Variants in ALCAM observed in about 807,000 individuals in gnomAD.
ALCAM encodes CD166 antigen.
ALCAM carries 30 observed loss-of-function variants against 70.9 expected under a neutral mutation model. That is an observed-to-expected ratio of 0.42 (90% confidence interval 0.32 to 0.57). The LOEUF is 0.57. Ranked by LOEUF, ALCAM falls within the 20% of genes least tolerant of loss-of-function variation. ALCAM has a pLI of 0.11. For synonymous variants in ALCAM, 249 were observed against 242.5 expected (o/e 1.03, Z -0.25); for missense variants, 591 against 695.1 (o/e 0.85, Z 1.68).
intron 1 of ALCAM, among the ~76,000 whole-genome samples, chr3:105,461,703 G>T (rs1031046796): frequency 2.0e-5 from 3 of 151,720 alleles, no homozygotes; most frequent in African/African-American, 7.2e-5. Context: ...AACAAAGAAA[G>T]AACTAGAACC....
At chr3:105,475,499 T>C (rs1292707501) in intron 1 of ALCAM, among the ~76,000 whole-genome samples, 1 of 152,026 alleles carries the variant, frequency 6.6e-6, no homozygotes, top group African/African-American at 2.4e-5. Flanking sequence ...CCCTTTAAAA[T>C]GGTCTTTACT....
intron 1 of ALCAM, among the ~76,000 whole-genome samples, chr3:105,396,260 G>A (rs1256616193): frequency 6.6e-6 from 1 of 152,046 alleles, no homozygotes; most frequent in Non-Finnish European, 1.5e-5. Flanking sequence ...GTACAGTGAA[G>A]ACAGAGAATG....
In ALCAM at chr3:105,540,127, T is replaced by C. The variant is rs77157868; in HGVS notation, c.858+25T>C. ...AGTAAGTGCTTAAGTATTACTTCAG[T>C]TGGATGACTATCATTTTTCCTGTTG... On this transcript the variant is annotated intron_variant, in intron 7 of 15. Transcript: ENST00000306107. The C allele has an allele frequency of 2.3e-3, 3,618 of 1,601,190 alleles. 86 individuals are homozygous for C. The African/African-American group carries it at 0.044, about 19-fold the overall frequency.
rs75181230 is a variant in ALCAM at position 105,525,819 on chromosome 3, G to A, written c.394+1311G>A. 7.2e-5 allele frequency among the ~76,000 whole-genome samples: 11 copies of A among 152,296 alleles called. No individual in the cohort carries two copies. In the East Asian group the frequency reaches 2.1e-3, roughly 29 times the overall value. On this transcript the variant is annotated intron_variant, in intron 3 of 15. Transcript: ENST00000306107. ...CAGTTGATTACCTTTCAGCTTAGAAGGCACTTTCCAGAAACCATCCACACT... is the reference window on the plus strand; with the variant it reads ...CAGTTGATTACCTTTCAGCTTAGAAAGCACTTTCCAGAAACCATCCACACT...
chr3:105,565,326 T>C (rs1940719570), intron 14 of ALCAM, among the ~76,000 whole-genome samples: 1 of 152,198 alleles, frequency 6.6e-6, no homozygotes, highest in Admixed American at 6.5e-5. Context: ...TTATTGCCTT[T>C]ACTGTTTTGA....
intron 1 of ALCAM, among the ~76,000 whole-genome samples, chr3:105,400,318 A>G (rs978450497): frequency 2.0e-5 from 3 of 152,214 alleles, no homozygotes; most frequent in Non-Finnish European, 2.9e-5. Context: ...CCTTAAAAAA[A>G]TCTGCTGCAA....
chr3:105,439,540 T>G (rs1377423106), intron 1 of ALCAM: 2 of 152,192 alleles, frequency 1.3e-5, no homozygotes, highest in Non-Finnish European at 2.9e-5. Context: ...ATGGTCTAAT[T>G]TTGAAATAAG....
At chr3:105,523,139 CAAAAAAAAAAAAAAAA>C (rs59478384) in intron 2 of ALCAM, among the ~76,000 whole-genome samples, 1 of 87,024 alleles carries the variant, frequency 1.1e-5, no homozygotes, top group Non-Finnish European at 2.0e-5. Context: ...GACTCCGTCT[CAAAAAAAAAAAAAAAA>C]AAAAAAAAAA....
intron 1 of ALCAM, among the ~76,000 whole-genome samples, chr3:105,436,339 TTTTA>T (rs968719191): frequency 2.0e-4 from 30 of 151,920 alleles, no homozygotes; most frequent in African/African-American, 7.0e-4. Context: ...GTTTATTTTA[TTTTA>T]TTTATTTATT....
chr3:105,514,435 A>G (rs1330123849), intron 1 of ALCAM, among the ~76,000 whole-genome samples: 1 of 151,918 alleles, frequency 6.6e-6, no homozygotes, highest in Non-Finnish European at 1.5e-5. Context: ...ATGCTTGTAG[A>G]ATAACAAACT....
At chr3:105,452,746 G>A (rs1937463956) in intron 1 of ALCAM, among the ~76,000 whole-genome samples, 1 of 152,096 alleles carries the variant, frequency 6.6e-6, no homozygotes. Context: ...ACTGTTTCCT[G>A]ACTTTAATAA....
chr3:105,562,917 T>C (rs1940657145), intron 14 of ALCAM, among the ~76,000 whole-genome samples: 1 of 152,220 alleles, frequency 6.6e-6, no homozygotes, highest in Non-Finnish European at 1.5e-5. Flanking sequence ...ATGATTTTCC[T>C]GCCTCAGCCT....
At position 105,533,620 on chromosome 3, in the gene ALCAM, A is replaced by G. The variant is rs749252813; in HGVS notation, c.477A>G (p.Ser159=). The change falls in exon 5 of 16, where the codon TCA becomes TCG. Residue 159 remains serine (S), a synonymous_variant. Transcript: ENST00000306107. ...EQLKKLGDCI[S]EDSYPDGNIT... Reference sequence around the variant, plus strand: ...TTTTGCAGTTGGGTGACTGCATTTCAGAAGACAGTTATCCAGATGGCAATA... The same window carrying G: ...TTTTGCAGTTGGGTGACTGCATTTCGGAAGACAGTTATCCAGATGGCAATA... 7 of 1,611,706 alleles carry G rather than the reference A, an allele frequency of 4.3e-6. No homozygotes were observed.
intron 1 of ALCAM, among the ~76,000 whole-genome samples, chr3:105,380,816 A>G (rs1447565661): frequency 6.6e-6 from 1 of 151,976 alleles, no homozygotes; most frequent in Non-Finnish European, 1.5e-5. Flanking sequence ...TTGAAATTAG[A>G]TTATCTGTCA....
intron 1 of ALCAM, among the ~76,000 whole-genome samples, chr3:105,392,168 A>G (rs10212620): frequency 0.99 from 150,359 of 152,086 alleles, 74,351 homozygotes; most frequent in Middle Eastern, 1. Context: ...TTGTACCTTC[A>G]GTAGAATTCA....
Position 105,462,855 on chromosome 3 carries a change from G to A in ALCAM, c.74-57212G>A, listed in dbSNP as rs542774497. On this transcript the variant is annotated intron_variant, in intron 1 of 15. Coordinates refer to ENST00000306107, the MANE Select transcript of ALCAM (RefSeq NM_001627.4). ...CATTCTGTTCAAAACATACTATGTTGCTGGCCTAACCTTTCCATCTGTTTC... is the reference window on the plus strand; with the variant it reads ...CATTCTGTTCAAAACATACTATGTTACTGGCCTAACCTTTCCATCTGTTTC... Among the ~76,000 whole-genome samples the A allele has an allele frequency of 6.6e-5, 10 of 151,468 alleles. No individual in the cohort carries two copies. In the East Asian group the frequency reaches 1.6e-3, roughly 24 times the overall value.
At position 105,550,112 on chromosome 3, in the gene ALCAM, T is replaced by C. The variant is rs1430712379; in HGVS notation, c.1375-15T>C. 1.3e-6 allele frequency: 2 copies of C among 1,569,968 alleles called. No individual in the cohort carries two copies. Among genetic ancestry groups the C allele is most frequent in the East Asian group, 2.2e-5 (1 of 44,462 alleles). On this transcript the variant is annotated splice_polypyrimidine_tract_variant and intron_variant, in intron 11 of 15. Transcript: ENST00000306107. ...ATTTTGATTTCTAAACCCACCTTTT[T>C]TCTTCTTTTTCCAGACAGAGGAATC...
intron 1 of ALCAM, among the ~76,000 whole-genome samples, chr3:105,374,479 A>G (rs1308855283): frequency 6.6e-6 from 1 of 152,136 alleles, no homozygotes; most frequent in Non-Finnish European, 1.5e-5. Context: ...CATGGTCACT[A>G]AGAAATCTTC....
intron 1 of ALCAM, among the ~76,000 whole-genome samples, chr3:105,388,707 A>G (rs1308419770): frequency 2.0e-5 from 3 of 151,658 alleles, no homozygotes; most frequent in Non-Finnish European, 4.4e-5. Context: ...CTTTTCTAGG[A>G]AAACTTATTA....
Sources: gnomAD v4.1 joint callset for allele counts (sites outside exome capture counted in the v4.1 genomes callset) on GRCh38, gnomAD v4.1.1 for gene constraint, MANE v1.5 for transcripts, NCBI Gene and HGNC (gene_info 2026-07-23, HGNC 2026-07-21) for gene names.